The following SNTG2 variants were observed in gnomAD, a reference collection of about 807,000 sequenced individuals.
The protein encoded by SNTG2 is syntrophin gamma 2, also known as gamma-2-syntrophin.
A neutral mutation model predicts 70.9 loss-of-function variants in SNTG2; 74 were observed. The ratio of observed to expected loss-of-function variants is 1.04; its 90% confidence interval spans 0.86 to 1.27. The LOEUF (loss-of-function observed/expected upper bound fraction) is 1.27, where lower values mean the gene tolerates loss of function less well. Among genes scored for constraint, SNTG2 ranks in the 50% most tolerant of loss-of-function variants. The pLI is 0.00. For synonymous variants in SNTG2, 278 were observed against 273.8 expected (o/e 1.02, Z -0.15); for missense variants, 717 against 690.7 (o/e 1.04, Z -0.43).
rs1221169268 is a variant in SNTG2 at position 1,149,672 on chromosome 2, GTTTTTTT to G, written c.411+11890_411+11896del. 1.1e-4 allele frequency among the ~76,000 whole-genome samples: 16 copies of G among 146,510 alleles called. No individual in the cohort carries two copies. In the South Asian group the frequency reaches 3.0e-3, roughly 27 times the overall value. ...CAACAGATTGATGAAGTTGATTAGC[GTTTTTTT>G]TTTTTTTTTTTTTTTTTTTTTTTTT... On this transcript the variant is annotated intron_variant, in intron 6 of 16. Transcript: ENST00000308624.
chr2:963,590 C>T (rs1232000752), intron 1 of SNTG2, among the ~76,000 whole-genome samples: 1 of 151,602 alleles, frequency 6.6e-6, no homozygotes, highest in African/African-American at 2.4e-5. Flanking sequence ...AATATTTACA[C>T]CTTTAAAGAT....
intron 8 of SNTG2, among the ~76,000 whole-genome samples, chr2:1,190,922 C>T (rs190226926): frequency 5.3e-5 from 8 of 152,242 alleles, no homozygotes; most frequent in Non-Finnish European, 5.9e-5. Context: ...CTATCATTTA[C>T]AACTGAATGT....
chr2:1,072,355 T>C (rs1370896763), intron 1 of SNTG2, among the ~76,000 whole-genome samples: 3 of 147,642 alleles, frequency 2.0e-5, no homozygotes, highest in Non-Finnish European at 3.0e-5. Flanking sequence ...TTTTCTTTTT[T>C]TTTTTTTTTT....
chr2:1,232,081 G>C (rs1026645287), intron 9 of SNTG2, among the ~76,000 whole-genome samples: 4 of 152,084 alleles, frequency 2.6e-5, no homozygotes, highest in Non-Finnish European at 5.9e-5. Flanking sequence ...TGGCCTGCAC[G>C]GATGGGGCCT....
At chr2:1,083,913 T>C (rs1438477418) in intron 2 of SNTG2, among the ~76,000 whole-genome samples, 1 of 152,140 alleles carries the variant, frequency 6.6e-6, no homozygotes, top group Non-Finnish European at 1.5e-5. Flanking sequence ...TCCTGGCGTG[T>C]GCCTGTAATC....
chr2:1,102,097 C>T (rs1162983599), intron 4 of SNTG2, among the ~76,000 whole-genome samples: 2 of 152,160 alleles, frequency 1.3e-5, no homozygotes, highest in Non-Finnish European at 2.9e-5. Flanking sequence ...AGCTTGTAGA[C>T]AACTGGAGAA....
chr2:1,058,158 G>A (rs1252290094), intron 1 of SNTG2, among the ~76,000 whole-genome samples: 2 of 150,068 alleles, frequency 1.3e-5, no homozygotes, highest in Non-Finnish European at 3.0e-5. Flanking sequence ...AGATATGATT[G>A]TGTGTCAAAA....
chr2:1,058,075 T>C (rs1415768766), intron 1 of SNTG2, among the ~76,000 whole-genome samples: 1 of 152,208 alleles, frequency 6.6e-6, no homozygotes, highest in Non-Finnish European at 1.5e-5. Context: ...TGAATTAATA[T>C]AAATAACTTA....
intron 1 of SNTG2, 76 bp from the exon 2 acceptor site, chr2:1,083,442 A>T: frequency 6.7e-7 from 1 of 1,491,460 alleles, no homozygotes; most frequent in Non-Finnish European, 9.3e-7. Context: ...CTTGAGCAGG[A>T]GGCGTGCGTC....
chr2:1,312,336 C>T (rs2148255510), intron 15 of SNTG2, among the ~76,000 whole-genome samples: 1 of 152,330 alleles, frequency 6.6e-6, no homozygotes, highest in African/African-American at 2.4e-5. Context: ...GCCGGCGGGG[C>T]CTCTGGACGA....
intron 8 of SNTG2, among the ~76,000 whole-genome samples, chr2:1,184,991 A>T (rs904500360): frequency 2.0e-5 from 3 of 152,228 alleles, no homozygotes; most frequent in African/African-American, 4.8e-5. Context: ...AAATAATTTT[A>T]AAAAGTTAGT....
chr2:977,957 A>G (rs1351310422), intron 1 of SNTG2, among the ~76,000 whole-genome samples: 1 of 152,204 alleles, frequency 6.6e-6, no homozygotes, highest in African/African-American at 2.4e-5. Flanking sequence ...GATCGCTGTC[A>G]TTATCTGTAA....
At chr2:961,413 A>G (rs1660345196) in intron 1 of SNTG2, among the ~76,000 whole-genome samples, 1 of 152,076 alleles carries the variant, frequency 6.6e-6, no homozygotes, top group Non-Finnish European at 1.5e-5. Context: ...GTGCCCGTGG[A>G]GATGAACCAT....
At position 1,083,550 on chromosome 2, in the gene SNTG2, A is replaced by G; in HGVS notation, c.105A>G (p.Glu35=). Reference sequence around the variant, plus strand: ...CCACTATTGCTCTGTTGTATGATGAAGAGTCCGAAAATGCCTATGACATCC... The same window carrying G: ...CCACTATTGCTCTGTTGTATGATGAGGAGTCCGAAAATGCCTATGACATCC... ...TKTTIALLYD[E]ESENAYDIRL... Residue 35 remains glutamate, a synonymous_variant, in exon 2 of 17, where the codon GAA becomes GAG. Transcript: ENST00000308624. The G allele has an allele frequency of 1.2e-6, 2 of 1,613,780 alleles. No homozygotes were observed. Among genetic ancestry groups the G allele is most frequent in the Non-Finnish European group, 1.7e-6 (2 of 1,179,718 alleles).
rs1212304208 is a variant in SNTG2 at position 1,354,344 on chromosome 2, GC to G, written c.1489-12998del. ...CCATGGGGGAAGTGGAAGACCCCGG[GC>G]TGGAGCTCAGGGACTGGGTGTTCCG... On this transcript the variant is annotated intron_variant, in intron 16 of 16. Transcript: ENST00000308624. Among the ~76,000 whole-genome samples, 13 of 47,946 alleles carry G rather than the reference GC, an allele frequency of 2.7e-4. 1 individual carries two copies. Among genetic ancestry groups the G allele is most frequent in the African/African-American group, 1.3e-3 (13 of 9,704 alleles). 31.5% of individuals were successfully genotyped at this position (47,946 alleles called of 152,430 possible). A position where few individuals can be genotyped will look rare whatever the true frequency, so the allele number is the denominator to read the frequency against.
At chr2:1,269,880 T>C (rs36142887) in intron 14 of SNTG2, among the ~76,000 whole-genome samples, 49,008 of 151,900 alleles carry the variant, frequency 0.32, 9,229 homozygotes, top group African/African-American at 0.53. Context: ...TGTAAGTGGG[T>C]GTGGGCATCC....
At chr2:1,244,254 C>G (rs1368993135) in intron 11 of SNTG2, among the ~76,000 whole-genome samples, 1 of 152,170 alleles carries the variant, frequency 6.6e-6, no homozygotes, top group Non-Finnish European at 1.5e-5. Flanking sequence ...GTTCGCCATT[C>G]GCTCGTTTTT....
intron 16 of SNTG2, among the ~76,000 whole-genome samples, chr2:1,321,632 T>G (rs1681526221): frequency 6.6e-6 from 1 of 152,148 alleles, no homozygotes; most frequent in Non-Finnish European, 1.5e-5. Flanking sequence ...AGCCAGATGG[T>G]GCCAGGAGGG....
In SNTG2 at chr2:1,183,398, T is replaced by A. The variant is rs564246347; in HGVS notation, c.591+10215T>A. On this transcript the variant is annotated intron_variant, in intron 8 of 16. Transcript: ENST00000308624. ...TGCAGTTTCAGGGTGATATGATACG[T>A]GTATGTCCTTACCTTTAGCAGATCC... Among the ~76,000 whole-genome samples, 61 of 152,312 alleles carry A rather than the reference T, an allele frequency of 4.0e-4. 1 individual carries two copies. The East Asian group carries it at 0.011, about 28-fold the overall frequency.
Sources: allele counts gnomAD v4.1 joint callset (sites outside exome capture counted in the v4.1 genomes callset), GRCh38; gene constraint gnomAD v4.1.1; transcripts MANE v1.5; gene names NCBI Gene and HGNC (gene_info 2026-07-23, HGNC 2026-07-21).